Variants in HYCC1 observed in about 807,000 individuals in gnomAD.
HYCC1 encodes the protein hyccin PI4KA lipid kinase complex subunit 1.
chr7:23,007,029 T>C, the HYCC1 span, among the ~76,000 whole-genome samples: 1 of 152,182 alleles, frequency 6.6e-6, no homozygotes, highest in African/African-American at 2.4e-5. Flanking sequence ...TTATATTAAG[T>C]GCATTATATG....
chr7:22,905,847 G>T, the HYCC1 span, among the ~76,000 whole-genome samples: 10 of 152,108 alleles, frequency 6.6e-5, no homozygotes, highest in Non-Finnish European at 1.5e-4. Context: ...TTTACAGGAG[G>T]ATACAAAACT....
the HYCC1 span, among the ~76,000 whole-genome samples, chr7:22,924,443 G>A: frequency 9.9e-5 from 15 of 152,194 alleles, no homozygotes; most frequent in Admixed American, 7.9e-4. Flanking sequence ...TCAAAGAAAG[G>A]GGTGACAGAC....
the HYCC1 span, chr7:22,941,888 A>C: frequency 4.6e-5 from 7 of 152,150 alleles, no homozygotes; most frequent in Non-Finnish European, 7.4e-5. Flanking sequence ...ACTATTATAC[A>C]TTAATTTCTA....
At chr7:22,973,638 G>A in the HYCC1 span, among the ~76,000 whole-genome samples, 1 of 151,686 alleles carries the variant, frequency 6.6e-6, no homozygotes, top group South Asian at 2.1e-4. Flanking sequence ...TTTCTCTTGT[G>A]GCATAAATTG....
At chr7:22,922,150 CTT>C in the HYCC1 span, among the ~76,000 whole-genome samples, 1 of 151,666 alleles carries the variant, frequency 6.6e-6, no homozygotes, top group African/African-American at 2.4e-5. Flanking sequence ...GTTAATCTAA[CTT>C]TATGAATAAT....
the HYCC1 span, chr7:22,978,377 C>T: frequency 3.2e-5 from 52 of 1,613,810 alleles, no homozygotes; most frequent in East Asian, 1.1e-4. Flanking sequence ...GAAATTGCAG[C>T]GTAAATTGAA....
the HYCC1 span, among the ~76,000 whole-genome samples, chr7:22,909,226 G>A: frequency 2.0e-5 from 3 of 152,162 alleles, no homozygotes; most frequent in South Asian, 4.1e-4. Flanking sequence ...CTCCTCATGA[G>A]AGCAAGTGAG....
the HYCC1 span, among the ~76,000 whole-genome samples, chr7:22,993,088 T>C: frequency 6.6e-6 from 1 of 152,038 alleles, no homozygotes; most frequent in African/African-American, 2.4e-5. Flanking sequence ...CCCACACATA[T>C]ATGGTCACCT....
the HYCC1 span, chr7:22,942,819 T>C: frequency 6.6e-6 from 1 of 152,196 alleles, no homozygotes. Context: ...ATAGTAATGG[T>C]TACCATAGTT....
At chr7:22,921,547 G>T in the HYCC1 span, among the ~76,000 whole-genome samples, 1 of 152,026 alleles carries the variant, frequency 6.6e-6, no homozygotes, top group Non-Finnish European at 1.5e-5. Context: ...ACAAAAAAAG[G>T]GAAAGAGGAA....
the HYCC1 span, among the ~76,000 whole-genome samples, chr7:22,910,748 G>A: frequency 6.6e-6 from 1 of 151,826 alleles, no homozygotes; most frequent in Non-Finnish European, 1.5e-5. Flanking sequence ...ATTACTTTTG[G>A]CATAAAATAT....
At chr7:22,896,735 T>C in the HYCC1 span, among the ~76,000 whole-genome samples, 1 of 152,356 alleles carries the variant, frequency 6.6e-6, no homozygotes, top group South Asian at 2.1e-4. Context: ...TTTTTTCCTC[T>C]TCCCAAAGGA....
At chr7:22,905,890 G>T in the HYCC1 span, among the ~76,000 whole-genome samples, 4 of 152,190 alleles carry the variant, frequency 2.6e-5, no homozygotes, top group Non-Finnish European at 5.9e-5. Context: ...ATGAAGACAT[G>T]TGCCTTATTG....
At chr7:23,012,795 T>C in the HYCC1 span, among the ~76,000 whole-genome samples, 1 of 152,190 alleles carries the variant, frequency 6.6e-6, no homozygotes, top group Non-Finnish European at 1.5e-5. Context: ...TTTCTGACTT[T>C]ATGGCAATAA....
chr7:22,960,273 T>G, the HYCC1 span: 1 of 1,613,836 alleles, frequency 6.2e-7, no homozygotes, highest in Non-Finnish European at 8.5e-7. Flanking sequence ...TTTCCACCTA[T>G]GACCCCTTAT....
the HYCC1 span, among the ~76,000 whole-genome samples, chr7:22,990,698 C>T: frequency 6.6e-6 from 1 of 152,210 alleles, no homozygotes; most frequent in African/African-American, 2.4e-5. Context: ...CCCATCCTCT[C>T]CTCATTGTTG....
At chr7:22,964,268 A>ACT in the HYCC1 span, 1 of 631,716 alleles carries the variant, frequency 1.6e-6, no homozygotes, top group Non-Finnish European at 2.8e-6. Context: ...GTTTTAAAGT[A>ACT]TTAAAACTAT....
chr7:22,978,461 C>A, the HYCC1 span: 1 of 1,609,988 alleles, frequency 6.2e-7, no homozygotes. Context: ...AGAAGAAAGA[C>A]AAAATGTTAA....
the HYCC1 span, chr7:22,941,277 T>C: frequency 6.6e-6 from 1 of 150,566 alleles, no homozygotes; most frequent in East Asian, 2.0e-4. Context: ...TCAGTTTTTA[T>C]TTCAATAAAA....
Sources: gnomAD v4.1 joint callset for allele counts (sites outside exome capture counted in the v4.1 genomes callset) on GRCh38, gnomAD v4.1.1 for gene constraint, MANE v1.5 for transcripts, NCBI Gene and HGNC (gene_info 2026-07-23, HGNC 2026-07-21) for gene names.